CENPK: variants seen among roughly 807,000 people sequenced by gnomAD.
The protein encoded by CENPK is centromere protein K, also known as SoxLZ/Sox6-binding protein Solt.
CENPK carries 46 observed loss-of-function variants against 40.9 expected under a neutral mutation model. The observed-to-expected ratio is 1.13, with a 90% CI of 0.89 to 1.44. The LOEUF (loss-of-function observed/expected upper bound fraction) is 1.44, where lower values mean the gene tolerates loss of function less well. Ranked by LOEUF, CENPK falls within the 40% of genes most tolerant of loss-of-function variation. The pLI, the probability that CENPK is intolerant of heterozygous loss-of-function variation, is 0.00. For missense variants in CENPK, 288 were observed against 303.5 expected (o/e 0.95, Z 0.38); for synonymous variants, 107 against 104.4 (o/e 1.02, Z -0.15).
intron 5 of CENPK, among the ~76,000 whole-genome samples, chr5:65,548,775 G>T (rs911221446): frequency 3.3e-5 from 5 of 152,074 alleles, no homozygotes; most frequent in African/African-American, 1.2e-4. Context: ...TTTATCATGA[G>T]ATTGCAGTCA....
rs1488922682 is a variant in CENPK at position 65,551,547 on chromosome 5, T to C, written c.241+17A>G. ...AATAGGTTTACAAAAAATTCAAATT[T>C]AAAATAAGAATCTTACTTTCAGGTG... On this transcript the variant is annotated intron_variant, in intron 5 of 10. Coordinates refer to ENST00000396679, the MANE Select transcript of CENPK (RefSeq NM_022145.5). 2.1e-6 allele frequency: 3 copies of C among 1,416,460 alleles called. No individual in the cohort carries two copies. Among genetic ancestry groups the C allele is most frequent in the Non-Finnish European group, 2.9e-6 (3 of 1,030,754 alleles). The allele number at this position is 1,416,460 out of a possible 1,614,324, so 87.7% of individuals were successfully genotyped here. A position where few individuals can be genotyped will look rare whatever the true frequency, so the allele number is the denominator to read the frequency against.
intron 5 of CENPK, among the ~76,000 whole-genome samples, chr5:65,548,311 TA>T (rs1213289039): frequency 1.3e-5 from 2 of 152,188 alleles, no homozygotes; most frequent in African/African-American, 2.4e-5. Context: ...TACCTTATTT[TA>T]AAAAAAACCT....
At chr5:65,528,838 T>C (rs1745210338) in intron 8 of CENPK, 81 bp downstream of exon 8, 53 of 983,932 alleles carry the variant, frequency 5.4e-5, no homozygotes, top group Admixed American at 2.2e-4. Context: ...CCTGGTAACA[T>C]TTAACTTCAT....
rs751218204 is a variant in CENPK, at chr5:65,551,600, C to T, written c.205G>A (p.Ala69Thr). The T allele has an allele frequency of 2.7e-5, 43 of 1,570,692 alleles. No homozygotes were observed. The highest frequency in any genetic ancestry group is 1.7e-4 in the Middle Eastern group (1 of 5,914). The change falls in exon 5 of 11, where the codon GCT (alanine) becomes ACT (threonine). Residue 69 changes from alanine (A) to threonine (T), a missense_variant. Physicochemically the swap from Ala to Thr is moderately conservative, Grantham distance 58. Transcript: ENST00000396679. ...TTTTTCTGCCATTGACTGAGTTCAG[C>T]GGTTAAACATTTTACTTGCATAATT... ...LLIMQVKCLT[A>T]ELSQWQKKTP...
chr5:65,529,452 G>C (rs1180675480), intron 6 of CENPK: 1 of 351,666 alleles, frequency 2.8e-6, no homozygotes, highest in East Asian at 5.7e-5. Context: ...CAAAATAATG[G>C]TGTGTTTTCA....
chr5:65,507,592 G>T, the CENPK span, among the ~76,000 whole-genome samples: 1 of 152,012 alleles, frequency 6.6e-6, no homozygotes, highest in African/African-American at 2.4e-5. Flanking sequence ...CCCACCTAAA[G>T]GTTTTAAATT....
the CENPK span, among the ~76,000 whole-genome samples, chr5:65,509,258 G>A: frequency 2.6e-5 from 4 of 152,138 alleles, no homozygotes; most frequent in South Asian, 4.1e-4. Context: ...AAGAAAGTCA[G>A]TCCTCACTGG....
chr5:65,561,182 T>A (rs1258878376), intron 2 of CENPK: 1 of 182,758 alleles, frequency 5.5e-6, no homozygotes, highest in South Asian at 1.1e-4. Context: ...AGTAGAAGGC[T>A]GAAAATCTCA....
rs749771436 is a variant in CENPK, at chr5:65,528,957, A to AT, written c.431_432insA (p.Ser144ArgfsTer2). Reference sequence around the variant, plus strand: ...ATGTTTCAACCTTATTTTTCAATTCACTGTGTAGTACATTAAGAGATTCCA... The same window carrying AT: ...ATGTTTCAACCTTATTTTTCAATTCATCTGTGTAGTACATTAAGAGATTCCA... On this transcript the variant is annotated frameshift_variant, in exon 8 of 11. Transcript: ENST00000396679. LOFTEE classifies it high-confidence loss of function. 2.5e-6 allele frequency: 4 copies of AT among 1,600,736 alleles called. No homozygotes were observed. The highest frequency in any genetic ancestry group is 3.4e-6 in the Non-Finnish European group (4 of 1,173,182).
At chr5:65,537,470 A>G (rs1747133402) in intron 6 of CENPK, among the ~76,000 whole-genome samples, 1 of 151,942 alleles carries the variant, frequency 6.6e-6, no homozygotes, top group African/African-American at 2.4e-5. Context: ...ACGCCCAGCT[A>G]ATTTTTTTGT....
chr5:65,525,879 G>A (rs1026260528), intron 9 of CENPK, among the ~76,000 whole-genome samples: 2 of 152,018 alleles, frequency 1.3e-5, no homozygotes, highest in African/African-American at 4.8e-5. Context: ...CAACCCGACA[G>A]TACCTTCCTT....
At chr5:65,528,633 A>T (rs1745173229) in intron 8 of CENPK, 55 bp from the exon 9 acceptor site, 2 of 1,419,432 alleles carry the variant, frequency 1.4e-6, no homozygotes, top group Non-Finnish European at 1.9e-6. Flanking sequence ...ACATACACAC[A>T]TGTAACTAGT....
the CENPK span, among the ~76,000 whole-genome samples, chr5:65,503,268 A>T: frequency 6.6e-6 from 1 of 151,808 alleles, no homozygotes. Context: ...CACCATGCCC[A>T]GCTAATTTTT....
At chr5:65,507,422 A>C in the CENPK span, among the ~76,000 whole-genome samples, 1 of 152,250 alleles carries the variant, frequency 6.6e-6, no homozygotes, top group African/African-American at 2.4e-5. Flanking sequence ...CAATTCTGTT[A>C]GAAAGCGAGA....
intron 9 of CENPK, among the ~76,000 whole-genome samples, chr5:65,525,236 G>A (rs967026330): frequency 7.3e-5 from 11 of 151,670 alleles, no homozygotes; most frequent in Non-Finnish European, 7.4e-5. Flanking sequence ...ATAGCAGTGC[G>A]CACATGTAAT....
At chr5:65,521,299 T>C (rs1214328771) in intron 10 of CENPK, among the ~76,000 whole-genome samples, 176 bp downstream of exon 10, 2 of 152,130 alleles carry the variant, frequency 1.3e-5, no homozygotes, top group African/African-American at 4.8e-5. Flanking sequence ...CTCAGTACTG[T>C]ACAGGGAACA....
rs892925626 is a variant in CENPK, at chr5:65,545,340, A to G, written c.242-2492T>C. Among the ~76,000 whole-genome samples, 483 of 55,680 alleles carry G rather than the reference A, an allele frequency of 8.7e-3. 11 individuals carry two copies. Among genetic ancestry groups the G allele is most frequent in the Middle Eastern group, 0.023 (2 of 88 alleles). The allele number at this position is 55,680 out of a possible 152,430, so 36.5% of individuals were successfully genotyped here. A position where few individuals can be genotyped will look rare whatever the true frequency, so the allele number is the denominator to read the frequency against. ...TCAAAGCGCGCACACACACACACAC[A>G]CACACACACACACACACACACACAC... On this transcript the variant is annotated intron_variant, in intron 5 of 10. Coordinates refer to ENST00000396679, the MANE Select transcript of CENPK (RefSeq NM_022145.5).
In CENPK at chr5:65,528,951, C is replaced by T; in HGVS notation, c.438G>A (p.Leu146=). Residue 146 remains leucine, a synonymous_variant, in exon 8 of 11, where the codon TTG becomes TTA. Coordinates refer to ENST00000396679, the MANE Select transcript of CENPK (RefSeq NM_022145.5). The part of the protein sequence containing the change: ...MESLNVLHSE[L]KNKVETFSES... ...CAGAAAATGTTTCAACCTTATTTTT[C>T]AATTCACTGTGTAGTACATTAAGAG... 1.3e-6 allele frequency: 2 copies of T among 1,596,768 alleles called. No individual in the cohort carries two copies. The highest frequency in any genetic ancestry group is 8.5e-7 in the Non-Finnish European group (1 of 1,170,876).
chr5:65,553,092 A>T (rs1750378374), intron 3 of CENPK, among the ~76,000 whole-genome samples: 1 of 152,142 alleles, frequency 6.6e-6, no homozygotes, highest in Non-Finnish European at 1.5e-5. Flanking sequence ...CTGAAAAAAT[A>T]CCTGAAGCAA....
Sources: allele counts gnomAD v4.1 joint callset (sites outside exome capture counted in the v4.1 genomes callset), GRCh38; gene constraint gnomAD v4.1.1; transcripts MANE v1.5; gene names NCBI Gene and HGNC (gene_info 2026-07-23, HGNC 2026-07-21).